The following GLT1D1 variants were observed in gnomAD, a reference collection of about 807,000 sequenced individuals.
The protein encoded by GLT1D1 is glycosyltransferase 1 domain containing 1.
Under a neutral mutation model 28.7 loss-of-function variants are expected in GLT1D1, and 21 were observed. The ratio of observed to expected loss-of-function variants is 0.73; its 90% confidence interval spans 0.52 to 1.05. The LOEUF is 1.05. Among genes scored for constraint, GLT1D1 ranks in the 50% least tolerant of loss-of-function variants. The pLI, the probability that GLT1D1 is intolerant of heterozygous loss-of-function variation, is 0.00. For synonymous variants in GLT1D1, 147 were observed against 124.8 expected (o/e 1.18, Z -1.19); for missense variants, 343 against 330.6 (o/e 1.04, Z -0.29).
chr12:128,914,209 C>A (rs1871851612), intron 4 of GLT1D1, among the ~76,000 whole-genome samples: 1 of 151,920 alleles, frequency 6.6e-6, no homozygotes, highest in Non-Finnish European at 1.5e-5. Context: ...TAATAGCCAA[C>A]AGACCATCAG....
intron 4 of GLT1D1, among the ~76,000 whole-genome samples, chr12:128,926,896 T>A (rs1394493029): frequency 6.6e-6 from 1 of 152,208 alleles, no homozygotes; most frequent in Non-Finnish European, 1.5e-5. Flanking sequence ...GGACAATGGA[T>A]AATATTGTAG....
At chr12:128,918,358 A>T (rs894200957) in intron 4 of GLT1D1, among the ~76,000 whole-genome samples, 2 of 152,146 alleles carry the variant, frequency 1.3e-5, no homozygotes, top group Non-Finnish European at 2.9e-5. Context: ...AAAATAGCTA[A>T]TGCATGCTGG....
chr12:128,859,396 G>T (rs1159446058), intron 1 of GLT1D1, among the ~76,000 whole-genome samples: 1 of 152,164 alleles, frequency 6.6e-6, no homozygotes, highest in African/African-American at 2.4e-5. Context: ...AAGAGCATGG[G>T]GCACAGAGGA....
intron 4 of GLT1D1, chr12:128,944,402 A>T (rs1460022050): frequency 8.2e-7 from 1 of 1,219,362 alleles, no homozygotes; most frequent in Admixed American, 1.7e-5. Flanking sequence ...GTAATAGTCC[A>T]GGACTGGCTT....
Position 128,983,236 on chromosome 12 carries a change from A to G in GLT1D1, c.*146A>G, listed in dbSNP as rs1176956971. On this transcript the variant is annotated 3_prime_UTR_variant, in exon 8 of 8. Coordinates refer to ENST00000281703, the MANE Select transcript of GLT1D1 (RefSeq NM_144669.3). The surrounding 1 kb of genome is among the most constrained non-coding windows in gnomAD (Gnocchi z 4.7). ...TAGAAAATGTTAGTCGTGAGTCCCCAGAGCCACTGCATTCATCCCATATCC... is the reference window on the plus strand; with the variant it reads ...TAGAAAATGTTAGTCGTGAGTCCCCGGAGCCACTGCATTCATCCCATATCC... 5.9e-6 allele frequency: 4 copies of G among 681,020 alleles called. No individual in the cohort carries two copies. The highest frequency in any genetic ancestry group is 5.4e-5 in the Admixed American group (2 of 37,170). The allele number at this position is 681,020 out of a possible 1,614,324, so 42.2% of individuals were successfully genotyped here. A position where few individuals can be genotyped will look rare whatever the true frequency, so the allele number is the denominator to read the frequency against.
At chr12:128,962,003 C>T (rs1268446223) in intron 7 of GLT1D1, among the ~76,000 whole-genome samples, 1 of 152,078 alleles carries the variant, frequency 6.6e-6, no homozygotes, top group African/African-American at 2.4e-5. Flanking sequence ...CCTACGGTGG[C>T]CTTGTGTGTG....
chr12:128,978,920 C>CGGA lies in GLT1D1; in HGVS notation c.640-4006_640-4004dup, dbSNP rs1880055759. 2.0e-5 allele frequency among the ~76,000 whole-genome samples: 3 copies of CGGA among 152,250 alleles called. No individual in the cohort carries two copies. The South Asian group carries it at 6.2e-4, about 32-fold the overall frequency. On this transcript the variant is annotated intron_variant, in intron 7 of 7. Transcript: ENST00000281703. ...GCGGGAGTGTAGCAGTGAGGACAACCGGAGGTCATGCTCATCGTCCTCTTG... is the reference window on the plus strand; with the variant it reads ...GCGGGAGTGTAGCAGTGAGGACAACCGGAGGAGGTCATGCTCATCGTCCTCTTG...
At chr12:128,910,201 G>A (rs11060010) in intron 4 of GLT1D1, among the ~76,000 whole-genome samples, 42,793 of 150,350 alleles carry the variant, frequency 0.28, 7,553 homozygotes, top group Admixed American at 0.43. Flanking sequence ...CAGCAGATAA[G>A]TCCAGAAATC....
At chr12:128,945,130 C>T (rs879585165) in intron 4 of GLT1D1, 196 bp from the exon 9 acceptor site, 34 of 730,492 alleles carry the variant, frequency 4.7e-5, no homozygotes, top group Middle Eastern at 2.4e-4. Context: ...TTGAGTGATA[C>T]GCGACGACAC....
intron 1 of GLT1D1, among the ~76,000 whole-genome samples, chr12:128,871,243 A>G (rs1420298037): frequency 6.6e-6 from 1 of 152,098 alleles, no homozygotes; most frequent in Admixed American, 6.6e-5. Flanking sequence ...TTGAATCCTT[A>G]TTTTTGTGTG....
chr12:128,983,967 C>T lies in GLT1D1; in HGVS notation c.*877C>T, dbSNP rs533275595. 2.6e-5 allele frequency: 4 copies of T among 152,262 alleles called. No individual in the cohort carries two copies. Among genetic ancestry groups the T allele is most frequent in the African/African-American group, 9.6e-5 (4 of 41,456 alleles). 9.4% of individuals were successfully genotyped at this position (152,262 alleles called of 1,614,324 possible). The stretch of plus-strand genomic sequence containing the variant: ...ACAGCGAGGTCAGTCCGGGGCCAGC[C>T]GCGCCATCATGGTAATGGTGGCCTC... On this transcript the variant is annotated 3_prime_UTR_variant, in exon 8 of 8. Transcript: ENST00000281703. This position sits in a 1 kb window ranked among gnomAD's most constrained non-coding sequence, Gnocchi z 4.7.
At chr12:128,974,676 G>T (rs1879594830) in intron 7 of GLT1D1, among the ~76,000 whole-genome samples, 1 of 152,196 alleles carries the variant, frequency 6.6e-6, no homozygotes. Flanking sequence ...CATACATTTT[G>T]ATTAAGAAAC....
At chr12:128,970,386 C>T (rs1878920223) in intron 7 of GLT1D1, among the ~76,000 whole-genome samples, 1 of 152,208 alleles carries the variant, frequency 6.6e-6, no homozygotes, top group African/African-American at 2.4e-5. Flanking sequence ...GCAGCTGGAC[C>T]CCATCTCCAC....
chr12:128,927,527 C>G (rs1424443064), intron 4 of GLT1D1, among the ~76,000 whole-genome samples: 2 of 151,964 alleles, frequency 1.3e-5, no homozygotes, highest in African/African-American at 4.8e-5. Context: ...CGTGAGCCAC[C>G]GCGCCCAGCT....
intron 2 of GLT1D1, among the ~76,000 whole-genome samples, chr12:128,886,933 A>G (rs1868451962): frequency 6.6e-6 from 1 of 152,068 alleles, no homozygotes; most frequent in Non-Finnish European, 1.5e-5. Context: ...GTTTTTGGAA[A>G]AGTTCTTACA....
At chr12:128,923,583 A>G (rs1395535016) in intron 4 of GLT1D1, among the ~76,000 whole-genome samples, 1 of 150,448 alleles carries the variant, frequency 6.6e-6, no homozygotes, top group African/African-American at 2.5e-5. Context: ...AGTGCAGTGC[A>G]CCATCTCTGC....
chr12:128,865,686 G>A (rs1356519464), intron 1 of GLT1D1, among the ~76,000 whole-genome samples: 4 of 152,088 alleles, frequency 2.6e-5, no homozygotes, highest in Non-Finnish European at 4.4e-5. Context: ...GCCAGGCGTG[G>A]TGGCATGCGC....
chr12:128,905,797 G>A (rs1427782377), intron 4 of GLT1D1, among the ~76,000 whole-genome samples: 1 of 151,440 alleles, frequency 6.6e-6, no homozygotes, highest in African/African-American at 2.4e-5. Flanking sequence ...TTACTATGTT[G>A]GTTTGTGATA....
intron 2 of GLT1D1, among the ~76,000 whole-genome samples, chr12:128,885,152 A>G (rs1248642820): frequency 6.6e-6 from 1 of 152,156 alleles, no homozygotes; most frequent in Non-Finnish European, 1.5e-5. Context: ...GAGTTTGCAA[A>G]AATATTTTAT....
Sources: allele counts gnomAD v4.1 joint callset (sites outside exome capture counted in the v4.1 genomes callset), GRCh38; gene constraint gnomAD v4.1.1; non-coding constraint Gnocchi (gnomAD v3.1); transcripts MANE v1.5; gene names NCBI Gene and HGNC (gene_info 2026-07-23, HGNC 2026-07-21).